Variants in RPRD2 observed in about 807,000 individuals in gnomAD.
RPRD2 encodes regulation of nuclear pre-mRNA domain containing 2, also known as regulation of nuclear pre-mRNA domain-containing protein 2.
In RPRD2, 12 loss-of-function variants were observed where a neutral mutation model predicts 104.4. The observed-to-expected ratio is 0.11, with a 90% CI of 0.07 to 0.19. RPRD2 has a LOEUF of 0.19. Among genes scored for constraint, RPRD2 ranks in the 10% least tolerant of loss-of-function variants. The pLI is 1.00. For missense variants in RPRD2, 1,543 were observed against 1,790.1 expected, an observed-to-expected ratio of 0.86 and a Z score of 2.49; for synonymous variants, 714 against 684.9, an observed-to-expected ratio of 1.04 and a Z score of -0.66.
intron 2 of RPRD2, among the ~76,000 whole-genome samples, chr1:150,422,375 AT>A: frequency 1.1e-5 from 1 of 92,200 alleles, no homozygotes; most frequent in African/African-American, 4.5e-5. Context: ...AATAAATAAA[AT>A]TAAAATAAAA....
chr1:150,429,502 G>T (rs1301009823), intron 2 of RPRD2, among the ~76,000 whole-genome samples: 1 of 151,880 alleles, frequency 6.6e-6, no homozygotes. Flanking sequence ...CTACAGGCAC[G>T]CACAACCATA....
intron 2 of RPRD2, among the ~76,000 whole-genome samples, chr1:150,437,977 T>TAAAA (rs35517552): frequency 6.2e-5 from 8 of 129,628 alleles, no homozygotes; most frequent in Non-Finnish European, 1.1e-4. Flanking sequence ...TGTCATTATT[T>TAAAA]AAAAAAAAAA....
At chr1:150,463,815 A>G (rs1372011051) in intron 9 of RPRD2, among the ~76,000 whole-genome samples, 1 of 152,174 alleles carries the variant, frequency 6.6e-6, no homozygotes, top group Admixed American at 6.5e-5. Flanking sequence ...TTGAGCGCCT[A>G]CAGGGCTCTG....
In RPRD2 at chr1:150,472,440, A is replaced by G; in HGVS notation, c.3492A>G (p.Thr1164=). The G allele has an allele frequency of 1.2e-6, 2 of 1,613,976 alleles. No individual in the cohort carries two copies. Among genetic ancestry groups the G allele is most frequent in the Non-Finnish European group, 1.7e-6 (2 of 1,179,876 alleles). The change falls in exon 11 of 11, where the codon ACA becomes ACG. Residue 1164 remains threonine, a synonymous_variant. Coordinates refer to ENST00000369068, the MANE Select transcript of RPRD2 (RefSeq NM_015203.5). The part of the protein sequence containing the change: ...GGSGGLTGFK[T]APYKERAPQF... ...GCGGAGGCCTCACTGGCTTTAAAAC[A>G]GCACCATACAAGGAACGGGCACCTC...
intron 6 of RPRD2, among the ~76,000 whole-genome samples, chr1:150,445,524 T>C (rs1422766443): frequency 2.0e-5 from 3 of 152,254 alleles, no homozygotes; most frequent in African/African-American, 7.2e-5. Context: ...AACATCTTAC[T>C]ACCTTCTGTA....
At chr1:150,463,744 T>C (rs1668088563) in intron 9 of RPRD2, among the ~76,000 whole-genome samples, 1 of 152,248 alleles carries the variant, frequency 6.6e-6, no homozygotes, top group Non-Finnish European at 1.5e-5. Context: ...CATGAAATTA[T>C]GCAGTGGCTG....
rs76698736 is a variant in RPRD2 at position 150,401,956 on chromosome 1, T to A, written c.206-15640T>A. The stretch of plus-strand genomic sequence containing the variant: ...CCGTGCCCAGTGGGGTTTTTTTTTT[T>A]AATTTTTTTTTTTTTAATTTTTTGA... On this transcript the variant is annotated intron_variant, in intron 1 of 10. Transcript: ENST00000369068. Among the ~76,000 whole-genome samples, 201 of 123,116 alleles carry A rather than the reference T, an allele frequency of 1.6e-3. 1 individual carries two copies. The highest frequency in any genetic ancestry group is 7.3e-3 in the African/African-American group (186 of 25,594). The allele number at this position is 123,116 out of a possible 152,430, so 80.8% of individuals were successfully genotyped here.
chr1:150,414,740 C>G (rs1462619551), intron 1 of RPRD2, among the ~76,000 whole-genome samples: 1 of 151,844 alleles, frequency 6.6e-6, no homozygotes, highest in Non-Finnish European at 1.5e-5. Context: ...GTGAACTGTT[C>G]GCAACATAAA....
rs1211972064 is a variant in RPRD2, at chr1:150,392,255, C to G, written c.206-25341C>G. On this transcript the variant is annotated intron_variant, in intron 1 of 10. Coordinates refer to ENST00000369068, the MANE Select transcript of RPRD2 (RefSeq NM_015203.5). ...GGTGCAGTGGCTCACGCCTGTAATCCTAGCACTTGGGAGGCCAAGATGGGT... is the reference window on the plus strand; with the variant it reads ...GGTGCAGTGGCTCACGCCTGTAATCGTAGCACTTGGGAGGCCAAGATGGGT... Among the ~76,000 whole-genome samples, 3 of 152,042 alleles carry G rather than the reference C, an allele frequency of 2.0e-5. No individual in the cohort carries two copies. The East Asian group carries it at 5.8e-4, about 29-fold the overall frequency.
intron 1 of RPRD2, among the ~76,000 whole-genome samples, chr1:150,416,872 C>CAAAAAA (rs782463847): frequency 8.4e-4 from 61 of 72,336 alleles, no homozygotes; most frequent in African/African-American, 1.8e-3. Flanking sequence ...ACTCCATCTC[C>CAAAAAA]AAAAAAAAAA....
intron 2 of RPRD2, among the ~76,000 whole-genome samples, chr1:150,430,212 A>G (rs1160015137): frequency 1.3e-5 from 2 of 152,224 alleles, no homozygotes; most frequent in Non-Finnish European, 2.9e-5. Flanking sequence ...AGAGTAATGT[A>G]TATGAAATGT....
intron 1 of RPRD2, among the ~76,000 whole-genome samples, chr1:150,381,793 C>T (rs1038676558): frequency 3.3e-5 from 5 of 152,134 alleles, no homozygotes; most frequent in South Asian, 2.1e-4. Context: ...CGTGAGCCAC[C>T]GCGCCCGGCC....
At chr1:150,366,536 C>A (rs782767320) in intron 1 of RPRD2, among the ~76,000 whole-genome samples, 7 of 152,200 alleles carry the variant, frequency 4.6e-5, no homozygotes, top group Non-Finnish European at 1.0e-4. Flanking sequence ...TGAAGACTCA[C>A]ATGTTAAGTA....
At chr1:150,413,068 A>G (rs1372078157) in intron 1 of RPRD2, among the ~76,000 whole-genome samples, 3 of 152,184 alleles carry the variant, frequency 2.0e-5, no homozygotes, top group Non-Finnish European at 4.4e-5. Context: ...GTCTAGGGGC[A>G]GATGACTAGG....
intron 1 of RPRD2, among the ~76,000 whole-genome samples, chr1:150,368,984 A>G (rs1660061562): frequency 6.6e-6 from 1 of 152,108 alleles, no homozygotes; most frequent in Non-Finnish European, 1.5e-5. Flanking sequence ...CTTGTTTGTT[A>G]CACGTTTATT....
At chr1:150,393,470 A>C (rs587753941) in intron 1 of RPRD2, among the ~76,000 whole-genome samples, 1 of 151,708 alleles carries the variant, frequency 6.6e-6, no homozygotes, top group South Asian at 2.1e-4. Context: ...AAAAAAAAAA[A>C]AAAAAAACCA....
rs1668811702 is a variant in RPRD2 at position 150,474,888 on chromosome 1, G to A, written c.*1554G>A. The A allele has an allele frequency of 6.6e-6, 1 of 152,066 alleles. No homozygotes were observed. The highest frequency in any genetic ancestry group is 6.5e-5 in the Admixed American group (1 of 15,270). 9.4% of individuals were successfully genotyped at this position (152,066 alleles called of 1,614,324 possible). On this transcript the variant is annotated 3_prime_UTR_variant, in exon 11 of 11. Coordinates refer to ENST00000369068, the MANE Select transcript of RPRD2 (RefSeq NM_015203.5). ...CAGTAGAATATTAAAGATGGGGGAG[G>A]GTGGGCAATGTAGTGACAGAAAATG...
At chr1:150,373,370 A>G (rs1553878849) in intron 1 of RPRD2, among the ~76,000 whole-genome samples, 5 of 151,878 alleles carry the variant, frequency 3.3e-5, no homozygotes. Flanking sequence ...TACCAATTAG[A>G]TGGCTATTGT....
At chr1:150,430,741 C>T (rs1348717312) in intron 2 of RPRD2, among the ~76,000 whole-genome samples, 4 of 152,110 alleles carry the variant, frequency 2.6e-5, no homozygotes, top group Non-Finnish European at 2.9e-5. Flanking sequence ...ACCAGCCTGA[C>T]CAACATGGAG....
Sources: allele counts gnomAD v4.1 joint callset (sites outside exome capture counted in the v4.1 genomes callset), GRCh38; gene constraint gnomAD v4.1.1; transcripts MANE v1.5; gene names NCBI Gene and HGNC (gene_info 2026-07-23, HGNC 2026-07-21).